Variants in FCSK observed in about 807,000 individuals in gnomAD.
FCSK encodes L-fucose kinase.
FCSK carries 123 observed loss-of-function variants against 122.5 expected under a neutral mutation model. The observed-to-expected ratio is 1.00, with a 90% CI of 0.87 to 1.17. The LOEUF (loss-of-function observed/expected upper bound fraction) is 1.17. FCSK is among the 50% of genes most tolerant of loss of function. The pLI, the probability that FCSK is intolerant of heterozygous loss-of-function variation, is 0.00. For synonymous variants in FCSK, 620 were observed against 625.5 expected (o/e 0.99, Z 0.13); for missense variants, 1,366 against 1,450.4 (o/e 0.94, Z 0.95).
intron 13 of FCSK, among the ~76,000 whole-genome samples, chr16:70,471,811 TG>T (rs1161464414): frequency 1.5e-5 from 2 of 135,608 alleles, no homozygotes; most frequent in Non-Finnish European, 3.0e-5. Flanking sequence ...GTGGGGTTGT[TG>T]TTTTTTTTTT....
At chr16:70,471,114 G>T in intron 12 of FCSK, 42 bp downstream of exon 12, 6 of 1,589,266 alleles carry the variant, frequency 3.8e-6, no homozygotes, top group Non-Finnish European at 5.1e-6. Context: ...GAGGGTGCTG[G>T]CATCCCGCAT....
At chr16:70,477,572 A>T (rs2048856647) in intron 20 of FCSK, 1 of 152,242 alleles carries the variant, frequency 6.6e-6, no homozygotes, top group Non-Finnish European at 1.5e-5. Context: ...TAGATAAGAG[A>T]AAAACAGATC....
intron 1 of FCSK, among the ~76,000 whole-genome samples, chr16:70,457,714 A>G (rs1196267771): frequency 6.6e-6 from 1 of 151,112 alleles, no homozygotes; most frequent in Non-Finnish European, 1.5e-5. Context: ...AGCTGTGACT[A>G]TAGGCACATT....
chr16:70,469,285 A>G lies in FCSK; in HGVS notation c.917A>G (p.Gln306Arg), dbSNP rs1292054903. The change falls in exon 10 of 24, where the codon CAG (glutamine) becomes CGG (arginine). Residue 306 changes from glutamine to arginine, a missense_variant. Coordinates refer to ENST00000288078, the MANE Select transcript of FCSK (RefSeq NM_145059.3). ...VAGYLQSARA[Q>R]LWRELRDQPL... ...GGTTATCTGCAGAGCGCCCGGGCCC[A>G]GCTGTGGAGGGAGCTTCGCGATCAG... The G allele has an allele frequency of 1.9e-6, 3 of 1,611,534 alleles. No individual in the cohort carries two copies. The Admixed American group carries it at 5.0e-5, about 27-fold the overall frequency.
intron 5 of FCSK, 67 bp downstream of exon 5, chr16:70,466,324 C>T (rs1339652493): frequency 1.3e-6 from 2 of 1,588,558 alleles, no homozygotes; most frequent in South Asian, 2.2e-5. Flanking sequence ...ACTGTTCCCC[C>T]AGGTATGATC....
chr16:70,469,931 G>C (rs1271833266), intron 10 of FCSK, among the ~76,000 whole-genome samples: 1 of 151,500 alleles, frequency 6.6e-6, no homozygotes, highest in Non-Finnish European at 1.5e-5. Flanking sequence ...TGCAACCTCT[G>C]CGTCTCAGGT....
chr16:70,474,966 C>A lies in FCSK; in HGVS notation c.2332C>A (p.Arg778=), dbSNP rs201319740. ...TGAGATGACTGTGAAGATAGTGTGC[C>A]GGTGCCTGGCTGACCTGCGGGACTA... The part of the protein sequence containing the change: ...QDEMTVKIVC[R]CLADLRDYCQ... The change falls in exon 18 of 24, where the codon CGG becomes AGG. Residue 778 remains arginine (R), a synonymous_variant. Transcript: ENST00000288078. The A allele has an allele frequency of 6.2e-7, 1 of 1,610,504 alleles. No homozygotes were observed. Among genetic ancestry groups the A allele is most frequent in the Admixed American group, 1.7e-5 (1 of 59,766 alleles).
At position 70,468,880 on chromosome 16, in the gene FCSK, C is replaced by A. The variant is rs922402763; in HGVS notation, c.695C>A (p.Thr232Asn). Residue 232 changes from threonine (T) to asparagine (N), a missense_variant, in exon 9 of 24, where the codon ACT (threonine) becomes AAT (asparagine). Coordinates refer to ENST00000288078, the MANE Select transcript of FCSK (RefSeq NM_145059.3). ...GGGGTTGTCTTCTTCTCTGTGGAGA[C>A]TGCCGAGCGCCTCCTAGCCACCCAC... ...VSGVVFFSVE[T>N]AERLLATHVS... is the part of the protein sequence containing the mutation. 6.2e-7 allele frequency: 1 copy of A among 1,613,982 alleles called. No homozygotes were observed. The highest frequency in any genetic ancestry group is 8.5e-7 in the Non-Finnish European group (1 of 1,180,018).
chr16:70,464,937 C>A, intron 3 of FCSK, 189 bp from the exon 4 acceptor site: 1 of 1,283,352 alleles, frequency 7.8e-7, no homozygotes, highest in Non-Finnish European at 1.1e-6. Context: ...GGTGGAGGGC[C>A]CTGGGATCCC....
At chr16:70,478,006 A>T in intron 20 of FCSK, 1 of 481,202 alleles carries the variant, frequency 2.1e-6, no homozygotes, top group Non-Finnish European at 3.7e-6. Flanking sequence ...TTTATTCTTC[A>T]GTGTGGTTTA....
intron 6 of FCSK, chr16:70,467,161 C>A: frequency 3.1e-6 from 2 of 637,244 alleles, no homozygotes; most frequent in Non-Finnish European, 5.6e-6. Flanking sequence ...ACAGAAGCAG[C>A]CCTGCCCCTT....
At chr16:70,471,866 C>T (rs1567706006) in intron 13 of FCSK, among the ~76,000 whole-genome samples, 3 of 146,240 alleles carry the variant, frequency 2.1e-5, no homozygotes, top group South Asian at 4.3e-4. Flanking sequence ...AGTGCAGTGG[C>T]GCAATCTTGG....
In FCSK at chr16:70,463,643, C is replaced by A; in HGVS notation, c.103C>A (p.Arg35=). 1 of 1,613,508 alleles carries A rather than the reference C, an allele frequency of 6.2e-7. No homozygotes were observed. The highest frequency in any genetic ancestry group is 8.5e-7 in the Non-Finnish European group (1 of 1,180,006). ...CCTAGAACTGGAAGTGCGGCAGAAGCGGGAGCAGATCCCTGCTGGGACGCT... is the reference window on the plus strand; with the variant it reads ...CCTAGAACTGGAAGTGCGGCAGAAGAGGGAGCAGATCCCTGCTGGGACGCT... The part of the protein sequence containing the change: ...FQRELEVRQK[R]EQIPAGTLLL... Residue 35 remains arginine (R), a synonymous_variant, in exon 3 of 24, where the codon CGG becomes AGG. Coordinates refer to ENST00000288078, the MANE Select transcript of FCSK (RefSeq NM_145059.3).
rs182572049 is a variant in FCSK at position 70,467,630 on chromosome 16, C to T, written c.582+159C>T. Reference sequence around the variant, plus strand: ...TGGCAGTGGCACCAGTGCTCCCTTACTCTCGCCAAAAATACATTTCACACC... The same window carrying T: ...TGGCAGTGGCACCAGTGCTCCCTTATTCTCGCCAAAAATACATTTCACACC... On this transcript the variant is annotated intron_variant, in intron 7 of 23. Coordinates refer to ENST00000288078, the MANE Select transcript of FCSK (RefSeq NM_145059.3). The T allele has an allele frequency of 1.1e-4, 75 of 658,092 alleles. 1 individual carries two copies. The highest frequency in any genetic ancestry group is 9.1e-4 in the Admixed American group (34 of 37,290). The allele number at this position is 658,092 out of a possible 1,614,324, so 40.8% of individuals were successfully genotyped here.
intron 19 of FCSK, 67 bp from the exon 20 acceptor site, chr16:70,475,581 A>G: frequency 6.3e-7 from 1 of 1,579,740 alleles, no homozygotes; most frequent in Non-Finnish European, 8.6e-7. Flanking sequence ...CTGCCCTTAG[A>G]CGGAGTCAGG....
At chr16:70,472,469 G>GC (rs2048655364) in intron 13 of FCSK, 72 bp from the exon 14 acceptor site, 2 of 1,236,812 alleles carry the variant, frequency 1.6e-6, no homozygotes, top group Non-Finnish European at 2.3e-6. Flanking sequence ...GCAGCTCCTG[G>GC]CCCCCTGGCC....
chr16:70,478,988 G>A lies in FCSK; in HGVS notation c.2930-192G>A, dbSNP rs2048910221. 6 of 655,754 alleles carry A rather than the reference G, an allele frequency of 9.1e-6. No individual in the cohort carries two copies. The East Asian group carries it at 1.4e-4, about 15-fold the overall frequency. 40.6% of individuals were successfully genotyped at this position (655,754 alleles called of 1,614,324 possible). On this transcript the variant is annotated intron_variant, in intron 22 of 23. Coordinates refer to ENST00000288078, the MANE Select transcript of FCSK (RefSeq NM_145059.3). ...AGATGCCGACTATGCTGGGTGTGGTGTTGGTTGCTTCCTGCACATTGGTCC... is the reference window on the plus strand; with the variant it reads ...AGATGCCGACTATGCTGGGTGTGGTATTGGTTGCTTCCTGCACATTGGTCC...
intron 22 of FCSK, 47 bp downstream of exon 22, chr16:70,478,697 C>T: frequency 6.5e-7 from 1 of 1,527,674 alleles, no homozygotes; most frequent in Non-Finnish European, 9.0e-7. Flanking sequence ...AGCGAGTATT[C>T]TGTCACTTGT....
Position 70,471,317 on chromosome 16 carries a change from G to C in FCSK, c.1306G>C (p.Ala436Pro), listed in dbSNP as rs368973788. Residue 436 changes from alanine (A) to proline (P), a missense_variant, in exon 13 of 24, where the codon GCC becomes CCC. By Grantham distance (27) the Ala-to-Pro change is conservative. Coordinates refer to ENST00000288078, the MANE Select transcript of FCSK (RefSeq NM_145059.3). ...HTRLHGSPGH[A>P]FTLVGRLDSW... The stretch of plus-strand genomic sequence containing the variant: ...GCGGCTACACGGCTCCCCGGGCCAC[G>C]CCTTCACCCTCGTTGGCCGTCTGGA... The C allele has an allele frequency of 6.0e-5, 96 of 1,598,040 alleles. No homozygotes were observed. The highest frequency in any genetic ancestry group is 7.9e-5 in the Non-Finnish European group (93 of 1,172,056).
Sources: gnomAD v4.1 joint callset for allele counts (sites outside exome capture counted in the v4.1 genomes callset) on GRCh38, gnomAD v4.1.1 for gene constraint, MANE v1.5 for transcripts, NCBI Gene and HGNC (gene_info 2026-07-23, HGNC 2026-07-21) for gene names.